Variants in SCNM1 observed in about 807,000 individuals in gnomAD.
The protein encoded by SCNM1 is sodium channel modifier 1.
SCNM1 carries 24 observed loss-of-function variants against 32.8 expected under a neutral mutation model. That is an observed-to-expected ratio of 0.73 (90% CI 0.53 to 1.03). The LOEUF (loss-of-function observed/expected upper bound fraction) is 1.03, where lower values mean the gene tolerates loss of function less well. Among genes scored for constraint, SCNM1 ranks in the 50% least tolerant of loss-of-function variants. The probability of loss-of-function intolerance (pLI) is 0.00; values close to 1 mark genes in which losing one functional copy is unlikely to be tolerated. For synonymous variants in SCNM1, 99 were observed against 103.2 expected, an observed-to-expected ratio of 0.96 and a Z score of 0.25; for missense variants, 274 against 282.3, an observed-to-expected ratio of 0.97 and a Z score of 0.21.
chr1:151,166,472 AAAG>A lies in SCNM1; in HGVS notation c.58_60del (p.Arg20del). 6.2e-7 allele frequency: 1 copy of A among 1,613,984 alleles called. No individual in the cohort carries two copies. The highest frequency in any genetic ancestry group is 8.5e-7 in the Non-Finnish European group (1 of 1,180,002). ...GATTTCTTCCCCTACTCCCTGCAGA[AAAG>A]AAGAGTCGGGGACCTCCTAGCCAGT... On this transcript the variant is annotated inframe_deletion and splice_region_variant, in exon 2 of 7. Transcript: ENST00000368905.
intron 5 of SCNM1, 121 bp downstream of exon 5, chr1:151,167,535 G>A: frequency 6.9e-7 from 1 of 1,442,946 alleles, no homozygotes; most frequent in South Asian, 1.2e-5. Context: ...AGTGTTTCAA[G>A]AAAAGGAGAA....
chr1:151,170,003 T>G lies in SCNM1; in HGVS notation c.*918T>G. ...CAGGCAAAATGGATAGAAGGGCTTT[T>G]ATTTACAGGAAAGGAGGACAGATGA... is the stretch of plus-strand genomic sequence containing the variant. On this transcript the variant is annotated 3_prime_UTR_variant, in exon 7 of 7. Coordinates refer to ENST00000368905, the MANE Select transcript of SCNM1 (RefSeq NM_024041.4). 1.3e-6 allele frequency: 2 copies of G among 1,567,108 alleles called. No individual in the cohort carries two copies. Among genetic ancestry groups the G allele is most frequent in the Non-Finnish European group, 1.8e-6 (2 of 1,138,400 alleles).
Position 151,170,057 on chromosome 1 carries a change from T to C in SCNM1, c.*972T>C. On this transcript the variant is annotated 3_prime_UTR_variant, in exon 7 of 7. Coordinates refer to ENST00000368905, the MANE Select transcript of SCNM1 (RefSeq NM_024041.4). ...TTTAAGTGTCCAGTGCTCCCAGCGC[T>C]AGTTGGTAAAGGGAAATGCAGTGTT... 6.2e-7 allele frequency: 1 copy of C among 1,613,974 alleles called. No homozygotes were observed. Among genetic ancestry groups the C allele is most frequent in the African/African-American group, 1.3e-5 (1 of 75,048 alleles).
intron 1 of SCNM1, 70 bp from the exon 2 acceptor site, chr1:151,166,401 A>G (rs1683702634): frequency 1.9e-6 from 3 of 1,598,096 alleles, no homozygotes; most frequent in East Asian, 2.3e-5. Context: ...CCTCATTTCT[A>G]TAATTTCACT....
Position 151,167,429 on chromosome 1 carries a change from A to C in SCNM1, c.398+15A>C, listed in dbSNP as rs2101702582. 1.9e-6 allele frequency: 3 copies of C among 1,614,178 alleles called. No homozygotes were observed. The East Asian group carries it at 6.7e-5, about 36-fold the overall frequency. On this transcript the variant is annotated intron_variant, in intron 5 of 6. Transcript: ENST00000368905. Reference sequence around the variant, plus strand: ...CGGAAGTACAGGTATGGGACGGGAAAGCCAGAGGTAGGAAGGCTCAGAAGG... The same window carrying C: ...CGGAAGTACAGGTATGGGACGGGAACGCCAGAGGTAGGAAGGCTCAGAAGG...
chr1:151,166,669 A>G (rs1475518258), intron 2 of SCNM1, 128 bp downstream of exon 2: 27 of 1,435,994 alleles, frequency 1.9e-5, no homozygotes, highest in Non-Finnish European at 2.4e-5. Context: ...CTAGGGCTCA[A>G]GTGATCCTGC....
intron 2 of SCNM1, 54 bp downstream of exon 2, chr1:151,166,595 G>T (rs1683713807): frequency 1.9e-6 from 3 of 1,560,514 alleles, no homozygotes; most frequent in Admixed American, 2.0e-5. Context: ...AGGCTCAATA[G>T]ACTTTTTTTT....
chr1:151,166,402 T>C (rs1215473825), intron 1 of SCNM1, 69 bp from the exon 2 acceptor site: 16 of 1,599,356 alleles, frequency 1.0e-5, no homozygotes, highest in African/African-American at 1.3e-5. Flanking sequence ...CTCATTTCTA[T>C]AATTTCACTT....
rs2101708105 is a variant in SCNM1, at chr1:151,169,575, C to T, written c.*490C>T. The T allele has an allele frequency of 5.5e-6, 1 of 183,268 alleles. No individual in the cohort carries two copies. The highest frequency in any genetic ancestry group is 1.1e-4 in the South Asian group (1 of 9,248). 11.4% of individuals were successfully genotyped at this position (183,268 alleles called of 1,614,324 possible). ...ATCCATACTTCTAACCCCTCCCCCA[C>T]CTCCTACCAAAGCCATGCCAAGCGT... On this transcript the variant is annotated 3_prime_UTR_variant, in exon 7 of 7. Coordinates refer to ENST00000368905, the MANE Select transcript of SCNM1 (RefSeq NM_024041.4).
Position 151,168,310 on chromosome 1 carries a change from G to A in SCNM1, c.565G>A (p.Ala189Thr). The change falls in exon 6 of 7, where the codon GCC (alanine) becomes ACC (threonine). Residue 189 changes from alanine (A) to threonine (T), a missense_variant. By Grantham distance (58) the Ala-to-Thr change is moderately conservative (BLOSUM62 0). Transcript: ENST00000368905. ...PAPMSPTRRR[A>T]LDHYLTLRSS... ...ACCCATGAGCCCCACAAGAAGACGA[G>A]CCCTGGACCATTATCTCACCCTTCG... 6.2e-7 allele frequency: 1 copy of A among 1,611,902 alleles called. No individual in the cohort carries two copies. The highest frequency in any genetic ancestry group is 8.5e-7 in the Non-Finnish European group (1 of 1,179,114).
chr1:151,167,227 A>G lies in SCNM1; in HGVS notation c.309+9A>G, dbSNP rs767354494. ...AAGAAACCAAAGCTGAGGTAATCAG[A>G]GAGTGGAGAGTGTGTTCTAGGCAAG... On this transcript the variant is annotated intron_variant, in intron 4 of 6. Coordinates refer to ENST00000368905, the MANE Select transcript of SCNM1 (RefSeq NM_024041.4). 3 of 1,614,062 alleles carry G rather than the reference A, an allele frequency of 1.9e-6. No homozygotes were observed. The highest frequency in any genetic ancestry group is 2.2e-5 in the South Asian group (2 of 91,092).
In SCNM1 at chr1:151,166,923, C is replaced by A. The variant is rs766295063; in HGVS notation, c.123-11C>A. ...CCTGGACCACTTATCCTCTTCTCTA[C>A]CCCTGCTCAGCTTTGCTTGTGCCAT... is the stretch of plus-strand genomic sequence containing the variant. On this transcript the variant is annotated splice_polypyrimidine_tract_variant and intron_variant, in intron 2 of 6. Coordinates refer to ENST00000368905, the MANE Select transcript of SCNM1 (RefSeq NM_024041.4). 1 of 1,613,984 alleles carries A rather than the reference C, an allele frequency of 6.2e-7. No homozygotes were observed.
At chr1:151,166,578 C>A in intron 2 of SCNM1, 37 bp downstream of exon 2, 1 of 1,591,838 alleles carries the variant, frequency 6.3e-7, no homozygotes, top group Non-Finnish European at 8.5e-7. Flanking sequence ...GAGGGTTCTG[C>A]GGTTAGAGGC....
intron 1 of SCNM1, 91 bp downstream of exon 1, chr1:151,166,294 G>A (rs1683696267): frequency 6.5e-7 from 1 of 1,547,000 alleles, no homozygotes; most frequent in Non-Finnish European, 8.7e-7. Flanking sequence ...CAACAACTCG[G>A]GGGTGCAGGA....
Position 151,166,383 on chromosome 1 carries a change from A to AT in SCNM1, c.52-85dup, listed in dbSNP as rs1188499085. ...CTGTTCTCCCCAGGGTCCTTATTCC[A>AT]TTTCACTCCTCATTTCTATAATTTC... is the stretch of plus-strand genomic sequence containing the variant. On this transcript the variant is annotated intron_variant, in intron 1 of 6. Transcript: ENST00000368905. 51 of 1,575,968 alleles carry AT rather than the reference A, an allele frequency of 3.2e-5. 1 individual carries two copies. The highest frequency in any genetic ancestry group is 3.3e-4 in the Middle Eastern group (2 of 6,010).
chr1:151,166,478 G>A lies in SCNM1; in HGVS notation c.59G>A (p.Arg20Lys), dbSNP rs1290847836. The part of the protein sequence containing the change: ...WSQLNVLKKR[R>K]VGDLLASYIP... ...TTCCCCTACTCCCTGCAGAAAAGAA[G>A]AGTCGGGGACCTCCTAGCCAGTTAC... The change falls in exon 2 of 7, where the codon AGA becomes AAA. Residue 20 changes from arginine to lysine, a missense_variant. By Grantham distance (26) the Arg-to-Lys change is conservative (BLOSUM62 2). Transcript: ENST00000368905. 1.9e-6 allele frequency: 3 copies of A among 1,613,944 alleles called. No individual in the cohort carries two copies. Among genetic ancestry groups the A allele is most frequent in the Non-Finnish European group, 2.5e-6 (3 of 1,179,998 alleles).
chr1:151,167,986 A>T (rs1442954381), intron 5 of SCNM1, 158 bp from the exon 6 acceptor site: 3 of 825,078 alleles, frequency 3.6e-6, no homozygotes, highest in Non-Finnish European at 5.3e-6. Flanking sequence ...ATTTTAAGCT[A>T]GCCTTTCCCA....
Position 151,168,129 on chromosome 1 carries a change from T to C in SCNM1, c.399-15T>C, listed in dbSNP as rs1310724891. On this transcript the variant is annotated splice_polypyrimidine_tract_variant and intron_variant, in intron 5 of 6. Transcript: ENST00000368905. ...TTTCCCTTACTGCTTTTACAGACTA[T>C]TCTTCTCTACCTAGACCAGAAGCCC... is the stretch of plus-strand genomic sequence containing the variant. The C allele has an allele frequency of 6.3e-7, 1 of 1,590,950 alleles. No individual in the cohort carries two copies. The highest frequency in any genetic ancestry group is 1.8e-5 in the Admixed American group (1 of 55,354).
intron 5 of SCNM1, 68 bp downstream of exon 5, chr1:151,167,482 AG>A: frequency 6.3e-7 from 1 of 1,582,260 alleles, no homozygotes. Flanking sequence ...AGAGTTTTCC[AG>A]TGTGTATTCT....
Sources: gnomAD v4.1 joint callset for allele counts on GRCh38, gnomAD v4.1.1 for gene constraint, MANE v1.5 for transcripts, NCBI Gene and HGNC (gene_info 2026-07-23, HGNC 2026-07-21) for gene names.